MMP16: variants seen among roughly 807,000 people sequenced by gnomAD.
MMP16 encodes matrix metallopeptidase 16, also known as matrix metalloproteinase-16.
A neutral mutation model predicts 67.8 loss-of-function variants in MMP16; 12 were observed. The ratio of observed to expected loss-of-function variants is 0.18; its 90% CI spans 0.11 to 0.29. The LOEUF (loss-of-function observed/expected upper bound fraction) is 0.29, where lower values mean the gene tolerates loss of function less well. MMP16 is among the 10% of genes least tolerant of loss of function. The pLI is 1.00. For missense variants in MMP16, 475 were observed against 765.7 expected, an observed-to-expected ratio of 0.62 and a Z score of 4.48; for synonymous variants, 249 against 255.9, an observed-to-expected ratio of 0.97 and a Z score of 0.26.
intron 1 of MMP16, among the ~76,000 whole-genome samples, chr8:88,280,221 T>C (rs1026887082): frequency 6.6e-6 from 1 of 152,238 alleles, no homozygotes; most frequent in Non-Finnish European, 1.5e-5. Context: ...AACAAAGATA[T>C]CCTGAAGTTA....
intron 3 of MMP16, among the ~76,000 whole-genome samples, chr8:88,178,860 G>A (rs1808934393): frequency 1.3e-5 from 2 of 151,974 alleles, no homozygotes; most frequent in African/African-American, 2.4e-5. Context: ...TAAAGAGAGA[G>A]CTGGGATAGG....
chr8:88,049,380 G>A (rs1242435483), intron 8 of MMP16, among the ~76,000 whole-genome samples: 1 of 152,122 alleles, frequency 6.6e-6, no homozygotes, highest in Non-Finnish European at 1.5e-5. Flanking sequence ...TGTGATGAAT[G>A]GTTAATGCAG....
chr8:88,168,289 G>C (rs192576467), intron 3 of MMP16, among the ~76,000 whole-genome samples: 7 of 152,202 alleles, frequency 4.6e-5, no homozygotes, highest in Non-Finnish European at 1.0e-4. Flanking sequence ...CATGACCAAA[G>C]AGGCAAAACA....
intron 1 of MMP16, among the ~76,000 whole-genome samples, chr8:88,317,730 TAAAC>T (rs1811395689): frequency 6.6e-6 from 1 of 152,160 alleles, no homozygotes; most frequent in Admixed American, 6.6e-5. Context: ...GATAGGTTAA[TAAAC>T]AAATTATGTG....
chr8:88,285,768 C>T (rs1810821222), intron 1 of MMP16, among the ~76,000 whole-genome samples: 2 of 152,098 alleles, frequency 1.3e-5, no homozygotes, highest in Admixed American at 6.5e-5. Context: ...TTAAATTGTA[C>T]AATTCAGTGG....
In MMP16 at chr8:88,327,207, A is replaced by C. The variant is rs769480801; in HGVS notation, c.-1T>G. On this transcript the variant is annotated 5_prime_UTR_variant, in exon 1 of 10. Transcript: ENST00000286614. The stretch of plus-strand genomic sequence containing the variant: ...CAGTGCTGAATGTGAGTAAGATCAT[A>C]GTGAACTGTGCTTCAATGGATGGAC... 1 of 1,613,808 alleles carries C rather than the reference A, an allele frequency of 6.2e-7. No individual in the cohort carries two copies. The highest frequency in any genetic ancestry group is 1.7e-5 in the Admixed American group (1 of 60,000).
At chr8:88,217,811 T>C (rs1286900251) in intron 1 of MMP16, among the ~76,000 whole-genome samples, 2 of 152,112 alleles carry the variant, frequency 1.3e-5, no homozygotes, top group Admixed American at 6.6e-5. Context: ...GAACATTACA[T>C]AATTTTGGAG....
chr8:88,256,339 T>C (rs1003617579), intron 1 of MMP16, among the ~76,000 whole-genome samples: 16 of 152,170 alleles, frequency 1.1e-4, no homozygotes, highest in African/African-American at 3.9e-4. Flanking sequence ...AATGGGCTAA[T>C]GTTCTCTCTT....
At chr8:88,153,597 G>C (rs999115581) in intron 4 of MMP16, among the ~76,000 whole-genome samples, 2 of 151,526 alleles carry the variant, frequency 1.3e-5, no homozygotes, top group Non-Finnish European at 2.9e-5. Context: ...ACAAACCTGA[G>C]AAAAACAAGC....
intron 8 of MMP16, among the ~76,000 whole-genome samples, 192 bp downstream of exon 8, chr8:88,055,936 C>T (rs1228799377): frequency 6.6e-6 from 1 of 152,090 alleles, no homozygotes; most frequent in Non-Finnish European, 1.5e-5. Flanking sequence ...AAGAAAGTCA[C>T]ATTAGCTGAA....
chr8:88,286,769 G>A (rs1360821184), intron 1 of MMP16, among the ~76,000 whole-genome samples: 1 of 151,924 alleles, frequency 6.6e-6, no homozygotes, highest in Non-Finnish European at 1.5e-5. Context: ...TAGAGATGGG[G>A]TTTCACCGTG....
chr8:88,093,741 T>C (rs1051692641), intron 6 of MMP16, among the ~76,000 whole-genome samples: 1 of 151,926 alleles, frequency 6.6e-6, no homozygotes, highest in Non-Finnish European at 1.5e-5. Flanking sequence ...TTTTAGGCTT[T>C]ACTTAGGTAG....
intron 1 of MMP16, among the ~76,000 whole-genome samples, chr8:88,278,653 G>C (rs957247073): frequency 2.0e-5 from 3 of 152,078 alleles, no homozygotes; most frequent in African/African-American, 7.2e-5. Context: ...AGAGGATTTT[G>C]TACATAATTT....
chr8:88,301,763 GA>G (rs1811103189), intron 1 of MMP16, among the ~76,000 whole-genome samples: 1 of 152,136 alleles, frequency 6.6e-6, no homozygotes, highest in African/African-American at 2.4e-5. Context: ...TGAATTTGTT[GA>G]AGTTTGAATT....
At chr8:88,160,731 C>T (rs1808605287) in intron 4 of MMP16, among the ~76,000 whole-genome samples, 1 of 152,044 alleles carries the variant, frequency 6.6e-6, no homozygotes, top group African/African-American at 2.4e-5. Context: ...GTGGTGATTC[C>T]TCAGGGATCT....
intron 1 of MMP16, among the ~76,000 whole-genome samples, chr8:88,301,335 A>C (rs1042976575): frequency 3.3e-5 from 5 of 152,138 alleles, no homozygotes; most frequent in Non-Finnish European, 7.4e-5. Context: ...TCTTACATAC[A>C]GAACCTAAAA....
chr8:88,315,788 T>C (rs916902837), intron 1 of MMP16, among the ~76,000 whole-genome samples: 2 of 152,144 alleles, frequency 1.3e-5, no homozygotes, highest in Non-Finnish European at 2.9e-5. Flanking sequence ...TATTAAAAGC[T>C]AAAAATGATT....
intron 1 of MMP16, among the ~76,000 whole-genome samples, chr8:88,258,382 A>G (rs1333287744): frequency 6.6e-6 from 1 of 152,176 alleles, no homozygotes; most frequent in Non-Finnish European, 1.5e-5. Context: ...AAGTTACCAG[A>G]GTGAGTTTCC....
chr8:88,318,880 C>T (rs1261679182), intron 1 of MMP16, among the ~76,000 whole-genome samples: 2 of 152,078 alleles, frequency 1.3e-5, no homozygotes, highest in East Asian at 3.8e-4. Flanking sequence ...GTTATTTGGA[C>T]CTTTGTTTAA....
Sources: allele counts gnomAD v4.1 joint callset (sites outside exome capture counted in the v4.1 genomes callset), GRCh38; gene constraint gnomAD v4.1.1; transcripts MANE v1.5; gene names NCBI Gene and HGNC (gene_info 2026-07-23, HGNC 2026-07-21).